Variants in KHDRBS2 observed in about 807,000 individuals in gnomAD.
KHDRBS2 encodes the protein KH RNA binding domain containing, signal transduction associated 2, also known as KH domain-containing, RNA-binding, signal transduction-associated protein 2.
A neutral mutation model predicts 44.3 loss-of-function variants in KHDRBS2; 26 were observed. The ratio of observed to expected loss-of-function variants is 0.59; its 90% confidence interval spans 0.43 to 0.81. The LOEUF (loss-of-function observed/expected upper bound fraction) is 0.81, where lower values mean the gene tolerates loss of function less well. Ranked by LOEUF, KHDRBS2 falls within the 40% of genes least tolerant of loss-of-function variation. KHDRBS2 has a pLI of 0.00. For synonymous variants in KHDRBS2, 194 were observed against 151.1 expected, an observed-to-expected ratio of 1.28 and a Z score of -2.08; for missense variants, 476 against 433.1, an observed-to-expected ratio of 1.10 and a Z score of -0.88.
intron 6 of KHDRBS2, among the ~76,000 whole-genome samples, chr6:61,752,803 T>G (rs1270474352): frequency 6.6e-6 from 1 of 151,034 alleles, no homozygotes; most frequent in East Asian, 2.0e-4. Flanking sequence ...TATATGGAAA[T>G]AAATACTATA....
chr6:62,044,433 C>T (rs970285261), intron 3 of KHDRBS2, among the ~76,000 whole-genome samples: 12 of 151,726 alleles, frequency 7.9e-5, no homozygotes, highest in African/African-American at 2.2e-4. Flanking sequence ...CTGCAGTGAG[C>T]TGTGATTGCA....
intron 1 of KHDRBS2, among the ~76,000 whole-genome samples, chr6:62,193,318 C>T (rs1824988511): frequency 6.6e-6 from 1 of 151,994 alleles, no homozygotes. Context: ...TAAACTGATT[C>T]TGTGCTTGGA....
chr6:61,945,113 G>GTATATATA (rs61105265), intron 4 of KHDRBS2, among the ~76,000 whole-genome samples: 1,045 of 14,850 alleles, frequency 0.07, 93 homozygotes, highest in Middle Eastern at 0.12. Flanking sequence ...AAAAAAAAAA[G>GTATATATA]TATATATATA....
intron 8 of KHDRBS2, among the ~76,000 whole-genome samples, chr6:61,695,436 A>G (rs1767802727): frequency 6.6e-6 from 1 of 152,210 alleles, no homozygotes; most frequent in Non-Finnish European, 1.5e-5. Flanking sequence ...TGGAGGTTAG[A>G]GTAAACAAAT....
intron 2 of KHDRBS2, among the ~76,000 whole-genome samples, chr6:62,070,804 G>C (rs1164645131): frequency 6.6e-6 from 1 of 152,122 alleles, no homozygotes; most frequent in Non-Finnish European, 1.5e-5. Context: ...AAACATACGT[G>C]TGCATGTGTC....
chr6:62,052,783 T>A (rs542195778), intron 2 of KHDRBS2, among the ~76,000 whole-genome samples: 26 of 152,116 alleles, frequency 1.7e-4, no homozygotes, highest in South Asian at 4.2e-4. Context: ...CCAGGGTTGA[T>A]CTGACAGGAG....
chr6:61,919,085 C>A (rs1168362253), intron 4 of KHDRBS2, among the ~76,000 whole-genome samples: 2 of 151,858 alleles, frequency 1.3e-5, no homozygotes, highest in Non-Finnish European at 2.9e-5. Context: ...TTCTAGGTAA[C>A]CACATACCAT....
At chr6:61,991,898 CA>C (rs1776208376) in intron 3 of KHDRBS2, among the ~76,000 whole-genome samples, 1 of 152,076 alleles carries the variant, frequency 6.6e-6, no homozygotes, top group Admixed American at 6.6e-5. Context: ...ACTGGGAAGG[CA>C]ATGGTTGCAG....
chr6:61,601,839 C>T, the KHDRBS2 span, among the ~76,000 whole-genome samples: 205 of 152,272 alleles, frequency 1.3e-3, no homozygotes, highest in Middle Eastern at 0.02. Flanking sequence ...ACACCTGGTC[C>T]AGCTTACAGT....
the KHDRBS2 span, among the ~76,000 whole-genome samples, chr6:61,625,491 A>G: frequency 2.2e-4 from 34 of 151,722 alleles, no homozygotes; most frequent in Non-Finnish European, 4.1e-4. Flanking sequence ...GATGCATCAC[A>G]GTGTTCATGT....
chr6:61,772,444 G>T (rs888674647), intron 6 of KHDRBS2, among the ~76,000 whole-genome samples: 6 of 151,836 alleles, frequency 4.0e-5, no homozygotes, highest in East Asian at 1.9e-4. Context: ...AAGAAGAAAA[G>T]AATAAAATAG....
At chr6:62,095,691 A>T (rs1251217111) in intron 2 of KHDRBS2, among the ~76,000 whole-genome samples, 1 of 151,798 alleles carries the variant, frequency 6.6e-6, no homozygotes, top group Non-Finnish European at 1.5e-5. Context: ...TCTCATTTCT[A>T]ATTTGTATAC....
intron 6 of KHDRBS2, among the ~76,000 whole-genome samples, chr6:61,788,322 A>T (rs1434807368): frequency 6.6e-6 from 1 of 151,492 alleles, no homozygotes; most frequent in Non-Finnish European, 1.5e-5. Context: ...ATAAGGTTTC[A>T]GTGGTGATTA....
At position 61,732,342 on chromosome 6, in the gene KHDRBS2, GA is replaced by G. The variant is rs59521220; in HGVS notation, c.893+339del. Reference sequence around the variant, plus strand: ...TTTACAAATAAATGTGATATTTTAGGAAAAAAAAAAGCTACATTGAACAAGT... The same window carrying G: ...TTTACAAATAAATGTGATATTTTAGGAAAAAAAAAGCTACATTGAACAAGT... On this transcript the variant is annotated intron_variant, in intron 7 of 8. Transcript: ENST00000281156. 1.7e-3 allele frequency among the ~76,000 whole-genome samples: 251 copies of G among 144,234 alleles called. 1 individual carries two copies. Among genetic ancestry groups the G allele is most frequent in the African/African-American group, 5.3e-3 (209 of 39,384 alleles). The allele number at this position is 144,234 out of a possible 152,430, so 94.6% of individuals were successfully genotyped here.
chr6:62,007,019 G>A (rs2127265088), intron 3 of KHDRBS2, among the ~76,000 whole-genome samples: 1 of 152,164 alleles, frequency 6.6e-6, no homozygotes, highest in Middle Eastern at 3.4e-3. Flanking sequence ...ACGTATGTGT[G>A]TGTGTACATA....
intron 8 of KHDRBS2, among the ~76,000 whole-genome samples, chr6:61,694,209 G>C (rs1159483354): frequency 6.6e-6 from 1 of 152,150 alleles, no homozygotes; most frequent in East Asian, 1.9e-4. Context: ...TCAAGAGATT[G>C]TTCACTACAA....
chr6:61,644,033 C>G, the KHDRBS2 span, among the ~76,000 whole-genome samples: 1 of 152,124 alleles, frequency 6.6e-6, no homozygotes, highest in Non-Finnish European at 1.5e-5. Context: ...CTGGGGGCAT[C>G]AAGTTACTTG....
intron 3 of KHDRBS2, among the ~76,000 whole-genome samples, chr6:62,031,940 T>C (rs1784408588): frequency 1.3e-5 from 2 of 152,056 alleles, no homozygotes; most frequent in Non-Finnish European, 2.9e-5. Flanking sequence ...ATCTAGCACC[T>C]TGCTGGCTTC....
At chr6:61,693,026 G>T (rs1309654231) in intron 8 of KHDRBS2, among the ~76,000 whole-genome samples, 7 of 152,006 alleles carry the variant, frequency 4.6e-5, no homozygotes, top group Non-Finnish European at 8.8e-5. Context: ...TACTGATTCA[G>T]CATGAAAGTG....
Sources: allele counts gnomAD v4.1 joint callset (sites outside exome capture counted in the v4.1 genomes callset), GRCh38; gene constraint gnomAD v4.1.1; transcripts MANE v1.5; gene names NCBI Gene and HGNC (gene_info 2026-07-23, HGNC 2026-07-21).